Variants in SGPP2 observed in about 807,000 individuals in gnomAD.
SGPP2 encodes sphingosine 1-phosphate phosphohydrolase 2.
A neutral mutation model predicts 33.9 loss-of-function variants in SGPP2; 30 were observed. The ratio of observed to expected loss-of-function variants is 0.89; its 90% CI spans 0.66 to 1.20. SGPP2 has a LOEUF of 1.20. SGPP2 is among the 50% of genes most tolerant of loss of function. The pLI is 0.00. For synonymous variants in SGPP2, 233 were observed against 225.0 expected (o/e 1.04, Z -0.32); for missense variants, 458 against 532.1 (o/e 0.86, Z 1.37).
chr2:222,490,779 G>T (rs149058349), intron 2 of SGPP2, among the ~76,000 whole-genome samples: 1 of 152,222 alleles, frequency 6.6e-6, no homozygotes, highest in East Asian at 1.9e-4. Context: ...GTTGATATGA[G>T]TGAGAAGACA....
intron 1 of SGPP2, among the ~76,000 whole-genome samples, chr2:222,454,768 C>T (rs1219037025): frequency 3.3e-5 from 5 of 151,544 alleles, no homozygotes; most frequent in Non-Finnish European, 7.4e-5. Flanking sequence ...ATTTGAACCT[C>T]ACTCCAGATC....
intron 1 of SGPP2, among the ~76,000 whole-genome samples, chr2:222,457,030 T>C (rs1697583644): frequency 6.6e-6 from 1 of 152,280 alleles, no homozygotes; most frequent in Middle Eastern, 3.4e-3. Flanking sequence ...GTTTCTATTA[T>C]TTAAAAAGAA....
At chr2:222,533,215 G>C (rs1698864555) in intron 4 of SGPP2, among the ~76,000 whole-genome samples, 1 of 152,196 alleles carries the variant, frequency 6.6e-6, no homozygotes, top group Non-Finnish European at 1.5e-5. Context: ...AAAAAAACAA[G>C]CCTCAGGAGG....
chr2:222,526,311 C>T (rs959359215), intron 4 of SGPP2, among the ~76,000 whole-genome samples: 19 of 152,316 alleles, frequency 1.2e-4, no homozygotes, highest in African/African-American at 4.3e-4. Flanking sequence ...CTGGGTGCTG[C>T]CTGGGTGAAG....
At chr2:222,529,516 G>A (rs969982870) in intron 4 of SGPP2, among the ~76,000 whole-genome samples, 2 of 152,090 alleles carry the variant, frequency 1.3e-5, no homozygotes, top group Non-Finnish European at 2.9e-5. Flanking sequence ...TGTATTTTTA[G>A]TAGAGGCGGG....
At chr2:222,443,778 T>C (rs935195204) in intron 1 of SGPP2, among the ~76,000 whole-genome samples, 2 of 152,236 alleles carry the variant, frequency 1.3e-5, no homozygotes, top group Non-Finnish European at 2.9e-5. Context: ...GTGTGTTCCA[T>C]GTCTGTGCTG....
At chr2:222,553,182 C>A (rs140903317) in intron 4 of SGPP2, among the ~76,000 whole-genome samples, 2 of 152,194 alleles carry the variant, frequency 1.3e-5, no homozygotes, top group East Asian at 3.9e-4. Context: ...AGGGAGAAAG[C>A]GAGAGAAAGG....
At chr2:222,444,473 G>T (rs765121388) in intron 1 of SGPP2, among the ~76,000 whole-genome samples, 1 of 152,196 alleles carries the variant, frequency 6.6e-6, no homozygotes, top group Non-Finnish European at 1.5e-5. Flanking sequence ...TATTCAGCCA[G>T]TGTCTATCAA....
intron 1 of SGPP2, among the ~76,000 whole-genome samples, chr2:222,461,047 C>T (rs1697651520): frequency 6.6e-6 from 1 of 152,242 alleles, no homozygotes; most frequent in Non-Finnish European, 1.5e-5. Flanking sequence ...TGAGCCACCA[C>T]ATTCGGCTGT....
At chr2:222,544,791 T>C (rs1260460848) in intron 4 of SGPP2, among the ~76,000 whole-genome samples, 1 of 151,598 alleles carries the variant, frequency 6.6e-6, no homozygotes, top group East Asian at 1.9e-4. Context: ...ATATTATTAA[T>C]CTTTTTAAAA....
chr2:222,485,615 C>T (rs551547126), intron 2 of SGPP2, among the ~76,000 whole-genome samples: 2 of 151,148 alleles, frequency 1.3e-5, no homozygotes, highest in Admixed American at 1.3e-4. Flanking sequence ...CCCTTTGTCC[C>T]TGTTAGGAGC....
chr2:222,499,558 C>T (rs975067712), intron 2 of SGPP2, among the ~76,000 whole-genome samples: 8 of 151,946 alleles, frequency 5.3e-5, no homozygotes, highest in African/African-American at 1.9e-4. Flanking sequence ...ATAATGAAGC[C>T]TTATTGCCAA....
At chr2:222,466,346 C>T (rs953603699) in intron 1 of SGPP2, among the ~76,000 whole-genome samples, 1 of 150,520 alleles carries the variant, frequency 6.6e-6, no homozygotes, top group African/African-American at 2.4e-5. Context: ...GTAACCTCCA[C>T]CTCCTGGGTT....
chr2:222,474,816 T>TTA, intron 2 of SGPP2, 90 bp downstream of exon 2: 2 of 31,872 alleles, frequency 6.3e-5, no homozygotes, highest in Non-Finnish European at 7.9e-5. Flanking sequence ...TGTTCTTTCT[T>TTA]TTTTTTTTTT....
chr2:222,521,816 G>A lies in SGPP2; in HGVS notation c.428G>A (p.Arg143His), dbSNP rs566151913. The A allele has an allele frequency of 5.6e-6, 9 of 1,610,072 alleles. No individual in the cohort carries two copies. The highest frequency in any genetic ancestry group is 1.7e-5 in the Admixed American group (1 of 59,132). The change falls in exon 3 of 5, where the codon CGT (arginine) becomes CAT (histidine). Residue 143 changes from arginine (R) to histidine (H), a missense_variant. Coordinates refer to ENST00000321276, the MANE Select transcript of SGPP2 (RefSeq NM_152386.4). ...GCCAAGGATGTCTTGAAGTGGCCCC[G>A]TCCCTCCTCCCCTCCAGTTGTAAAA... Reference protein sequence around the residue: ...QVAKDVLKWPRPSSPPVVKLE... With the variant: ...QVAKDVLKWPHPSSPPVVKLE...
intron 1 of SGPP2, among the ~76,000 whole-genome samples, chr2:222,449,433 C>G (rs1394926558): frequency 1.3e-5 from 2 of 152,000 alleles, no homozygotes; most frequent in African/African-American, 4.8e-5. Flanking sequence ...GAACACGTGC[C>G]CCATCCTAAG....
At chr2:222,545,283 CTTT>C (rs544252205) in intron 4 of SGPP2, among the ~76,000 whole-genome samples, 12 of 135,934 alleles carry the variant, frequency 8.8e-5, no homozygotes, top group Admixed American at 7.5e-5. Context: ...GAGCTTATGG[CTTT>C]TTTTTTTTTT....
Position 222,558,779 on chromosome 2 carries a change from A to C in SGPP2, c.1081A>C (p.Lys361Gln). Residue 361 changes from lysine to glutamine, a missense_variant, in exon 5 of 5, where the codon AAG becomes CAG. Lys to Gln is a moderately conservative substitution (Grantham distance 53, BLOSUM62 1). Coordinates refer to ENST00000321276, the MANE Select transcript of SGPP2 (RefSeq NM_152386.4). The part of the protein sequence containing the change: ...YSWFKVVTRN[K>Q]EARRRLEIEV... ...ATGGTTCAAGGTGGTCACCAGGAAC[A>C]AGGAGGCCAGGCGGAGACTGGAGAT... 4.3e-6 allele frequency: 7 copies of C among 1,614,166 alleles called. No homozygotes were observed. Among genetic ancestry groups the C allele is most frequent in the Non-Finnish European group, 5.9e-6 (7 of 1,180,030 alleles).
chr2:222,514,241 G>A (rs1698571707), intron 2 of SGPP2, among the ~76,000 whole-genome samples: 1 of 152,232 alleles, frequency 6.6e-6, no homozygotes, highest in Non-Finnish European at 1.5e-5. Context: ...CTATGAATGT[G>A]CCAATGATGG....
Sources: gnomAD v4.1 joint callset for allele counts (sites outside exome capture counted in the v4.1 genomes callset) on GRCh38, gnomAD v4.1.1 for gene constraint, MANE v1.5 for transcripts, NCBI Gene and HGNC (gene_info 2026-07-23, HGNC 2026-07-21) for gene names.